Variants in HEPH observed in about 807,000 individuals in gnomAD.
HEPH encodes hephaestin.
In HEPH, 69 loss-of-function variants were observed where a neutral mutation model predicts 80.8. The observed-to-expected ratio is 0.85, with a 90% CI of 0.70 to 1.04. HEPH has a LOEUF of 1.04. Ranked by LOEUF, HEPH falls within the 50% of genes least tolerant of loss-of-function variation. HEPH has a pLI of 0.00. For missense variants in HEPH, 1,115 were observed against 891.3 expected (o/e 1.25, Z -3.20); for synonymous variants, 431 against 322.8 (o/e 1.34, Z -3.60).
At chrX:66,217,837 G>A (rs1190904243) in intron 15 of HEPH, among the ~76,000 whole-genome samples, 9 of 111,606 alleles carry the variant, frequency 8.1e-5, no homozygotes, top group African/African-American at 2.9e-4. Flanking sequence ...TAAAAGGGGG[G>A]AAAAAGATAT....
At chrX:66,205,706 C>T (rs180691676) in intron 13 of HEPH, among the ~76,000 whole-genome samples, 106 of 110,002 alleles carry the variant, frequency 9.6e-4, no homozygotes, top group African/African-American at 3.4e-3. Context: ...AGCAATTCTC[C>T]TGCCTCAGCC....
At chrX:66,173,085 G>T (rs1025244225) in intron 3 of HEPH, among the ~76,000 whole-genome samples, 7 of 112,191 alleles carry the variant, frequency 6.2e-5, no homozygotes, top group Non-Finnish European at 1.3e-4. Flanking sequence ...GGAATAGAAA[G>T]GGAAGTCAGA....
chrX:66,172,626 C>A, intron 3 of HEPH, 27 bp downstream of exon 3: 1 of 1,105,401 alleles, frequency 9.0e-7, no homozygotes, highest in Non-Finnish European at 1.2e-6. Context: ...TTTCTTTCCC[C>A]CATGCCCAAC....
At chrX:66,242,955 G>T (rs1024578915) in intron 15 of HEPH, among the ~76,000 whole-genome samples, 1 of 111,843 alleles carries the variant, frequency 8.9e-6, no homozygotes, top group East Asian at 2.8e-4. Flanking sequence ...GCAGTTTGAA[G>T]ATTTCTCCAG....
rs1050932732 is a variant in HEPH, at chrX:66,170,275, C to G, written c.-13-283C>G. ...GATTCTTGGGACAGAGCACATTCTT[C>G]CTGCTACACCATTGAAAAAACTGGA... On this transcript the variant is annotated intron_variant, in intron 1 of 20. Transcript: ENST00000343002. 94 of 218,826 alleles carry G rather than the reference C, an allele frequency of 4.3e-4. 1 individual carries two copies. The highest frequency in any genetic ancestry group is 8.4e-5 in the Non-Finnish European group (10 of 119,734). The allele number at this position is 218,826 out of a possible 1,213,427, so 18.0% of individuals were successfully genotyped here.
intron 15 of HEPH, among the ~76,000 whole-genome samples, chrX:66,240,347 T>A (rs1056439200): frequency 1.2e-4 from 13 of 110,795 alleles, no homozygotes; most frequent in African/African-American, 3.6e-4. Context: ...TCATCCAGGA[T>A]CTGTGGGATA....
chrX:66,176,997 C>T (rs1282399410), intron 4 of HEPH, among the ~76,000 whole-genome samples: 6 of 111,358 alleles, frequency 5.4e-5, no homozygotes, highest in Non-Finnish European at 1.1e-4. Flanking sequence ...AGCTTCTGCA[C>T]AGCAAAAGAA....
At chrX:66,191,826 C>G (rs1213654012) in intron 6 of HEPH, among the ~76,000 whole-genome samples, 1 of 111,449 alleles carries the variant, frequency 9.0e-6, no homozygotes. Flanking sequence ...GGCTTGAACT[C>G]GAGTTTCCTT....
chrX:66,178,742 TCTTTTGA>T (rs759325575), intron 4 of HEPH, among the ~76,000 whole-genome samples: 2 of 112,533 alleles, frequency 1.8e-5, no homozygotes, highest in African/African-American at 6.4e-5. Flanking sequence ...ATAAATGTCT[TCTTTTGA>T]GAAGTGTCTG....
chrX:66,233,913 A>T (rs968526775), intron 15 of HEPH, among the ~76,000 whole-genome samples: 6 of 110,732 alleles, frequency 5.4e-5, no homozygotes, highest in Non-Finnish European at 9.5e-5. Flanking sequence ...TTTAATTTTT[A>T]ATTTTTTATT....
chrX:66,192,494 G>A (rs779648157), intron 7 of HEPH, among the ~76,000 whole-genome samples, 196 bp downstream of exon 7: 47 of 111,627 alleles, frequency 4.2e-4, no homozygotes, highest in Non-Finnish European at 8.5e-4. Flanking sequence ...AGGTAGCAAA[G>A]CTTTTTGTGG....
chrX:66,232,789 T>C (rs954627074), intron 15 of HEPH, among the ~76,000 whole-genome samples: 2 of 111,090 alleles, frequency 1.8e-5, no homozygotes, highest in African/African-American at 3.3e-5. Flanking sequence ...TAAATGCATA[T>C]GGTATATTCT....
chrX:66,164,277 G>C lies in HEPH; in HGVS notation c.-207G>C. ...AGTAGTTTTGTTTCTGGAAAAGAGG[G>C]CACCCAGCCCTTCCCCCTCCCTCAT... On this transcript the variant is annotated 5_prime_UTR_variant, in exon 1 of 21. Transcript: ENST00000343002. 2.7e-6 allele frequency: 2 copies of C among 752,736 alleles called. No homozygotes were observed. The highest frequency in any genetic ancestry group is 3.1e-6 in the Non-Finnish European group (2 of 638,137). The allele number at this position is 752,736 out of a possible 1,213,427, so 62.0% of individuals were successfully genotyped here.
At chrX:66,218,095 A>G (rs902805885) in intron 15 of HEPH, among the ~76,000 whole-genome samples, 4 of 111,740 alleles carry the variant, frequency 3.6e-5, no homozygotes, top group Non-Finnish European at 5.6e-5. Context: ...GGGGACTTTA[A>G]TATTCCACTG....
At chrX:66,199,063 G>A (rs375126911) in intron 11 of HEPH, 35 bp downstream of exon 11, 36 of 1,168,303 alleles carry the variant, frequency 3.1e-5, no homozygotes, top group Non-Finnish European at 3.8e-5. Context: ...GCTAAATTGA[G>A]GGTCCCAAGT....
At chrX:66,215,462 A>G (rs1009490982) in intron 15 of HEPH, among the ~76,000 whole-genome samples, 1 of 111,869 alleles carries the variant, frequency 8.9e-6, no homozygotes, top group African/African-American at 3.2e-5. Context: ...AAGAGAGTGC[A>G]TGTAAAGTTT....
chrX:66,256,374 T>A, intron 17 of HEPH, 44 bp downstream of exon 17: 1 of 949,091 alleles, frequency 1.1e-6, no homozygotes. Context: ...CAGTCCCTAC[T>A]GGTTACATGG....
chrX:66,187,054 T>A (rs1156313245), intron 4 of HEPH, among the ~76,000 whole-genome samples: 1 of 111,441 alleles, frequency 9.0e-6, no homozygotes, highest in East Asian at 2.8e-4. Flanking sequence ...TTTCTATAAG[T>A]GTGTCCAGTG....
In HEPH at chrX:66,260,119, C is replaced by A; in HGVS notation, c.3056C>A (p.Ala1019Glu). The A allele has an allele frequency of 8.3e-7, 1 of 1,208,557 alleles. No individual in the cohort carries two copies. Residue 1019 changes from alanine to glutamate, a missense_variant, in exon 19 of 21, where the codon GCA (alanine) becomes GAA (glutamate). Ala to Glu is a moderately radical substitution (Grantham distance 107). Coordinates refer to ENST00000343002, the MANE Select transcript of HEPH (RefSeq NM_001367233.3). ...TTGCAGAATGGCGAGAACTACCGGG[C>A]AGATGTGGTGGATCTGTTCCCAGGG... Reference protein sequence around the residue: ...FLYRNGENYRADVVDLFPGTF... With the variant: ...FLYRNGENYREDVVDLFPGTF...
Sources: gnomAD v4.1 joint callset for allele counts (sites outside exome capture counted in the v4.1 genomes callset) on GRCh38, gnomAD v4.1.1 for gene constraint, MANE v1.5 for transcripts, NCBI Gene and HGNC (gene_info 2026-07-23, HGNC 2026-07-21) for gene names.